PRKN: variants seen among roughly 807,000 people sequenced by gnomAD.
The protein encoded by PRKN is parkin RBR E3 ubiquitin protein ligase.
A neutral mutation model predicts 59.5 loss-of-function variants in PRKN; 56 were observed. The ratio of observed to expected loss-of-function variants is 0.94; its 90% CI spans 0.76 to 1.18. The LOEUF is 1.18. Among genes scored for constraint, PRKN ranks in the 50% most tolerant of loss-of-function variants. PRKN has a pLI of 0.00. For missense variants in PRKN, 657 were observed against 596.4 expected (o/e 1.10, Z -1.06); for synonymous variants, 250 against 222.1 (o/e 1.13, Z -1.12).
intron 3 of PRKN, among the ~76,000 whole-genome samples, chr6:162,224,620 A>G (rs1477848452): frequency 1.3e-5 from 2 of 152,176 alleles, no homozygotes; most frequent in Non-Finnish European, 2.9e-5. Flanking sequence ...GGAGGAGAGA[A>G]GCCAATCAAA....
rs1438360290 is a variant in PRKN, at chr6:161,582,706, T to C, written c.872-13290A>G. 2.6e-5 allele frequency among the ~76,000 whole-genome samples: 4 copies of C among 152,160 alleles called. No homozygotes were observed. Among genetic ancestry groups the C allele is most frequent in the East Asian group, 1.9e-4 (1 of 5,166 alleles). ...CCTCCCAAAGTTCTGGGATTACAGG[T>C]GTGAGACACTGCGCCTGGCCTGCAG... On this transcript the variant is annotated intron_variant, in intron 7 of 11. Transcript: ENST00000366898. The surrounding 1 kb of genome is among the most constrained non-coding windows in gnomAD (Gnocchi z 4.4).
intron 4 of PRKN, among the ~76,000 whole-genome samples, chr6:162,097,542 C>A (rs1779797045): frequency 6.6e-6 from 1 of 152,136 alleles, no homozygotes; most frequent in Non-Finnish European, 1.5e-5. Context: ...ATAAATTTTG[C>A]CTGCTGAATA....
intron 9 of PRKN, among the ~76,000 whole-genome samples, chr6:161,387,583 G>T (rs73606912): frequency 6.6e-6 from 1 of 152,154 alleles, no homozygotes; most frequent in Non-Finnish European, 1.5e-5. Flanking sequence ...AGAATGTAAG[G>T]AAAAAACTTC....
At chr6:161,962,908 G>A (rs540421004) in intron 6 of PRKN, among the ~76,000 whole-genome samples, 18 of 152,068 alleles carry the variant, frequency 1.2e-4, no homozygotes, top group Non-Finnish European at 2.2e-4. Context: ...AATTTGGGAG[G>A]CTGAGGCCGG....
chr6:162,358,040 T>G (rs886752054), intron 2 of PRKN, among the ~76,000 whole-genome samples: 1 of 152,170 alleles, frequency 6.6e-6, no homozygotes. Context: ...ACACAAAGAA[T>G]GAAGCTTAAT....
At chr6:162,161,442 G>A (rs980189844) in intron 4 of PRKN, among the ~76,000 whole-genome samples, 6 of 152,186 alleles carry the variant, frequency 3.9e-5, no homozygotes, top group Admixed American at 1.3e-4. Flanking sequence ...GCAGTAAATT[G>A]CGGACTGAAA....
At chr6:162,204,085 C>T (rs1784840360) in intron 3 of PRKN, among the ~76,000 whole-genome samples, 1 of 152,172 alleles carries the variant, frequency 6.6e-6, no homozygotes, top group Admixed American at 6.5e-5. Flanking sequence ...CATGCTACTT[C>T]ACCTCTAAAT....
At chr6:162,618,038 G>C (rs1782504268) in intron 1 of PRKN, among the ~76,000 whole-genome samples, 2 of 152,128 alleles carry the variant, frequency 1.3e-5, no homozygotes, top group African/African-American at 4.8e-5. Flanking sequence ...GGTAGACTGA[G>C]GGTTTAAACC....
chr6:162,301,933 C>T (rs997357856), intron 2 of PRKN, among the ~76,000 whole-genome samples: 28 of 152,082 alleles, frequency 1.8e-4, no homozygotes, highest in South Asian at 6.2e-4. Context: ...CAACTACCTA[C>T]GCAATATTCT....
chr6:161,967,648 G>A (rs9456727), intron 6 of PRKN, among the ~76,000 whole-genome samples: 10 of 152,156 alleles, frequency 6.6e-5, no homozygotes, highest in Non-Finnish European at 1.3e-4. Context: ...ACTGACAACC[G>A]AAATGAGTGA....
chr6:162,515,099 T>C (rs1777788701), intron 1 of PRKN, among the ~76,000 whole-genome samples: 2 of 151,594 alleles, frequency 1.3e-5, no homozygotes, highest in Admixed American at 1.3e-4. Flanking sequence ...TTTTTTTTTT[T>C]GAGATGGAGT....
chr6:162,515,151 C>T (rs34575983), intron 1 of PRKN, among the ~76,000 whole-genome samples: 14,465 of 149,690 alleles, frequency 0.097, 1,058 homozygotes, highest in South Asian at 0.19. Context: ...GGTGTAATCT[C>T]GGATCACTGC....
At chr6:161,642,591 G>C (rs1488804668) in intron 7 of PRKN, among the ~76,000 whole-genome samples, 1 of 152,062 alleles carries the variant, frequency 6.6e-6, no homozygotes, top group Non-Finnish European at 1.5e-5. Context: ...CAAAAAATAA[G>C]GTGTCAGGTG....
intron 7 of PRKN, among the ~76,000 whole-genome samples, chr6:161,598,681 A>G (rs1459914880): frequency 2.0e-5 from 3 of 152,210 alleles, no homozygotes; most frequent in Non-Finnish European, 4.4e-5. Flanking sequence ...TCTTCCTTCA[A>G]AGCATAAGAT....
rs192636413 is a variant in PRKN at position 162,169,225 on chromosome 6, A to T, written c.534+31906T>A. On this transcript the variant is annotated intron_variant, in intron 4 of 11. Transcript: ENST00000366898. ...AAAGAACACTGGCTTCAAAGTCAGA[A>T]ATCAAGAACCAAAGCCCAGTTCTAA... is the stretch of plus-strand genomic sequence containing the variant. Among the ~76,000 whole-genome samples, 3 of 152,356 alleles carry T rather than the reference A, an allele frequency of 2.0e-5. No individual in the cohort carries two copies. The East Asian group carries it at 5.8e-4, about 29-fold the overall frequency.
intron 9 of PRKN, among the ~76,000 whole-genome samples, chr6:161,482,193 T>C (rs939968193): frequency 2.0e-5 from 3 of 152,228 alleles, no homozygotes; most frequent in African/African-American, 7.2e-5. Flanking sequence ...ATTTAAAGCA[T>C]GTTACTCAAG....
intron 4 of PRKN, among the ~76,000 whole-genome samples, chr6:162,138,398 A>G (rs1781634930): frequency 2.0e-5 from 3 of 152,182 alleles, no homozygotes; most frequent in Non-Finnish European, 4.4e-5. Flanking sequence ...CTCAAAAGGA[A>G]TTGATGTCGA....
rs764804297 is a variant in PRKN, at chr6:161,410,052, AG to A, written c.1084-23176del. On this transcript the variant is annotated intron_variant, in intron 9 of 11. Coordinates refer to ENST00000366898, the MANE Select transcript of PRKN (RefSeq NM_004562.3). The surrounding 1 kb of genome is among the most constrained non-coding windows in gnomAD (Gnocchi z 5.3). ...TCCTGTACCTGTGCTAGGATGCAAA[AG>A]ATCATAGGTGTAGGCTCTGGGCAGC... Among the ~76,000 whole-genome samples the A allele has an allele frequency of 1.3e-4, 20 of 152,284 alleles. No homozygotes were observed. The highest frequency in any genetic ancestry group is 2.8e-4 in the Non-Finnish European group (19 of 68,026).
intron 2 of PRKN, among the ~76,000 whole-genome samples, chr6:162,329,051 G>A (rs750121041): frequency 3.9e-5 from 6 of 152,168 alleles, no homozygotes; most frequent in Non-Finnish European, 8.8e-5. Context: ...GTGCGTATCT[G>A]TATGTGTTCG....
Sources: gnomAD v4.1 joint callset for allele counts (sites outside exome capture counted in the v4.1 genomes callset) on GRCh38, gnomAD v4.1.1 for gene constraint, Gnocchi (gnomAD v3.1) non-coding constraint, MANE v1.5 for transcripts, NCBI Gene and HGNC (gene_info 2026-07-23, HGNC 2026-07-21) for gene names.